The following ZNF615 variants were observed in gnomAD, a reference collection of about 807,000 sequenced individuals.
ZNF615 encodes zinc finger protein 615.
A neutral mutation model predicts 15.3 loss-of-function variants in ZNF615; 15 were observed. That is an observed-to-expected ratio of 0.98 (90% CI 0.66 to 1.51). The LOEUF is 1.51. ZNF615 is among the 40% of genes most tolerant of loss of function. ZNF615 has a pLI of 0.00. For synonymous variants in ZNF615, 268 were observed against 294.6 expected, an observed-to-expected ratio of 0.91 and a Z score of 0.92; for missense variants, 848 against 895.9, an observed-to-expected ratio of 0.95 and a Z score of 0.68.
intron 3 of ZNF615, among the ~76,000 whole-genome samples, chr19:52,003,162 A>C (rs112417534): frequency 7.9e-5 from 12 of 152,126 alleles, no homozygotes; most frequent in African/African-American, 2.4e-4. Context: ...AATCCTTAGA[A>C]TATATATGCA....
chr19:52,001,423 T>G (rs919823708), intron 5 of ZNF615, among the ~76,000 whole-genome samples: 15 of 151,986 alleles, frequency 9.9e-5, no homozygotes, highest in South Asian at 4.2e-4. Context: ...ATCAAGACCA[T>G]CCTGGCCAAT....
In ZNF615 at chr19:51,992,744, G is replaced by A; in HGVS notation, c.*136C>T. 7 of 1,058,770 alleles carry A rather than the reference G, an allele frequency of 6.6e-6. No homozygotes were observed. The highest frequency in any genetic ancestry group is 9.6e-6 in the Non-Finnish European group (7 of 727,168). The allele number at this position is 1,058,770 out of a possible 1,614,324, so 65.6% of individuals were successfully genotyped here. On this transcript the variant is annotated 3_prime_UTR_variant, in exon 7 of 7. Coordinates refer to ENST00000598071, the MANE Select transcript of ZNF615 (RefSeq NM_001199324.2). ...CCTAAAATATTTTCTCAAATGTTTT[G>A]TACATGTTTTCTCTGACACAAAACA...
intron 3 of ZNF615, among the ~76,000 whole-genome samples, chr19:52,002,887 C>T (rs189229640): frequency 4.6e-5 from 7 of 151,098 alleles, no homozygotes; most frequent in African/African-American, 1.7e-4. Flanking sequence ...AGTGCAGTGG[C>T]ACAATCTCGG....
At chr19:52,008,081 C>A (rs958588972) in intron 1 of ZNF615, 60 bp downstream of exon 1, 11 of 1,487,278 alleles carry the variant, frequency 7.4e-6, no homozygotes, top group Admixed American at 2.0e-5. Flanking sequence ...CGAACACGCC[C>A]AGCCACGGAC....
rs915303244 is a variant in ZNF615 at position 51,991,807 on chromosome 19, T to C, written c.*1073A>G. The C allele has an allele frequency of 2.0e-5, 3 of 152,172 alleles. No homozygotes were observed. The highest frequency in any genetic ancestry group is 7.2e-5 in the African/African-American group (3 of 41,422). The allele number at this position is 152,172 out of a possible 1,614,324, so 9.4% of individuals were successfully genotyped here. A position where few individuals can be genotyped will look rare whatever the true frequency, so the allele number is the denominator to read the frequency against. ...TTAAAACTGGTGATTTCCAAATAAATTCTGTAGTTAACAGTATTGTAACAA... is the reference window on the plus strand; with the variant it reads ...TTAAAACTGGTGATTTCCAAATAAACTCTGTAGTTAACAGTATTGTAACAA... On this transcript the variant is annotated 3_prime_UTR_variant, in exon 7 of 7. Coordinates refer to ENST00000598071, the MANE Select transcript of ZNF615 (RefSeq NM_001199324.2).
In ZNF615 at chr19:52,008,142, T is replaced by A; in HGVS notation, c.-229A>T. On this transcript the variant is annotated splice_region_variant and 5_prime_UTR_variant, in exon 1 of 7. Coordinates refer to ENST00000598071, the MANE Select transcript of ZNF615 (RefSeq NM_001199324.2). Reference sequence around the variant, plus strand: ...CGACCACCCAGTGACTGAACTTACTTCCCAGAACTTGGTGGGCTCCGGCCT... The same window carrying A: ...CGACCACCCAGTGACTGAACTTACTACCCAGAACTTGGTGGGCTCCGGCCT... The A allele has an allele frequency of 2.0e-6, 3 of 1,535,492 alleles. No homozygotes were observed. Among genetic ancestry groups the A allele is most frequent in the Non-Finnish European group, 2.6e-6 (3 of 1,146,770 alleles).
intron 6 of ZNF615, among the ~76,000 whole-genome samples, chr19:51,999,096 A>T (rs985410975): frequency 4.6e-5 from 7 of 152,232 alleles, no homozygotes; most frequent in Non-Finnish European, 1.0e-4. Context: ...TAATCAAGAA[A>T]ACAATTCCAT....
At chr19:52,003,942 C>G in intron 2 of ZNF615, 42 bp from the exon 3 acceptor site, 1 of 1,294,792 alleles carries the variant, frequency 7.7e-7, no homozygotes. Flanking sequence ...CTTTTTAGGC[C>G]CAGATGTTGT....
chr19:52,000,365 T>C lies in ZNF615; in HGVS notation c.252A>G (p.Ala84=). ...ACAAACCTGCATATGCACCTCCTGA[T>C]GCACCTCCTGAATCTAAAATAAAAA... is the stretch of plus-strand genomic sequence containing the variant. The part of the protein sequence containing the change: ...YSRICSDSGG[A]SGGAYAEIRK... Residue 84 remains alanine, a synonymous_variant, in exon 6 of 7, where the codon GCA becomes GCG. Transcript: ENST00000598071. The C allele has an allele frequency of 1.6e-6, 1 of 630,868 alleles. No homozygotes were observed. Among genetic ancestry groups the C allele is most frequent in the Non-Finnish European group, 2.9e-6 (1 of 344,572 alleles). 39.1% of individuals were successfully genotyped at this position (630,868 alleles called of 1,614,324 possible).
In ZNF615 at chr19:52,003,725, T is replaced by G; in HGVS notation, c.-14A>C. On this transcript the variant is annotated 5_prime_UTR_variant, in exon 3 of 7. Transcript: ENST00000598071. ...GGCCTGCATCATTGTCTCCTAAATT[T>G]GGGAAATGACTGCTAACTTGGACGT... The G allele has an allele frequency of 6.2e-7, 1 of 1,612,362 alleles. No homozygotes were observed. The highest frequency in any genetic ancestry group is 8.5e-7 in the Non-Finnish European group (1 of 1,179,132).
intron 5 of ZNF615, 117 bp from the exon 6 acceptor site, chr19:52,000,495 A>C (rs1170958268): frequency 8.6e-6 from 4 of 465,218 alleles, no homozygotes; most frequent in Non-Finnish European, 1.5e-5. Context: ...CAAAATGGGA[A>C]GTTACAGGCT....
chr19:51,994,480 T>C lies in ZNF615; in HGVS notation c.629A>G (p.Asn210Ser). ...ACTGCATACATGGGCATTCTCTATG[T>C]TGTGAGTTCTCTGTTGCTTAATGAA... ...SQFIKQQRTH[N>S]IENAHVCSEC... The change falls in exon 7 of 7, where the codon AAC (asparagine) becomes AGC (serine). Residue 210 changes from asparagine to serine, a missense_variant. By Grantham distance (46) the Asn-to-Ser change is conservative (BLOSUM62 1). Coordinates refer to ENST00000598071, the MANE Select transcript of ZNF615 (RefSeq NM_001199324.2). 1 of 1,614,190 alleles carries C rather than the reference T, an allele frequency of 6.2e-7. No homozygotes were observed. Among genetic ancestry groups the C allele is most frequent in the South Asian group, 1.1e-5 (1 of 91,084 alleles).
At chr19:52,007,259 T>C (rs1374952612) in intron 2 of ZNF615, 34 bp downstream of exon 2, 3 of 1,262,434 alleles carry the variant, frequency 2.4e-6, no homozygotes, top group Non-Finnish European at 3.1e-6. Flanking sequence ...TTCTGAAAAT[T>C]TGACAAAGGT....
chr19:52,002,323 G>C (rs1206509041), intron 3 of ZNF615, 42 bp from the exon 4 acceptor site: 1 of 1,612,612 alleles, frequency 6.2e-7, no homozygotes, highest in East Asian at 2.2e-5. Context: ...ATATTCTTTT[G>C]GTGATAGGAA....
In ZNF615 at chr19:52,007,332, T is replaced by C. The variant is rs1048613805; in HGVS notation, c.-227-2A>G. ...TATCTTACTTGTGTCAGAAAGAACC[T>C]GAAAAGAAATATCCAAGAGGATACG... On this transcript the variant is annotated splice_acceptor_variant, in intron 1 of 6. Transcript: ENST00000598071. LOFTEE classifies it low-confidence loss of function (5UTR_SPLICE). 4.7e-6 allele frequency: 6 copies of C among 1,287,838 alleles called. No homozygotes were observed. Among genetic ancestry groups the C allele is most frequent in the African/African-American group, 4.6e-5 (3 of 65,796 alleles). 79.8% of individuals were successfully genotyped at this position (1,287,838 alleles called of 1,614,324 possible).
At chr19:52,000,221 A>C (rs1568502552) in intron 6 of ZNF615, 125 bp downstream of exon 6, 2 of 454,900 alleles carry the variant, frequency 4.4e-6, no homozygotes, top group Non-Finnish European at 7.8e-6. Context: ...GGGGACTCCA[A>C]GAGGAAGAAG....
chr19:52,005,459 A>G (rs750338747), intron 2 of ZNF615, among the ~76,000 whole-genome samples: 2 of 152,222 alleles, frequency 1.3e-5, no homozygotes, highest in East Asian at 1.9e-4. Flanking sequence ...AGAGAGGTCT[A>G]TGGTTTCCGT....
Position 51,993,994 on chromosome 19 carries a change from G to A in ZNF615, c.1115C>T (p.Ala372Val), listed in dbSNP as rs868395023. The A allele has an allele frequency of 1.2e-6, 2 of 1,611,946 alleles. No individual in the cohort carries two copies. Among genetic ancestry groups the A allele is most frequent in the South Asian group, 1.1e-5 (1 of 90,748 alleles). The stretch of plus-strand genomic sequence containing the variant: ...CTCACCAGTATGAGTTCGATGATGT[G>A]CAGTAAGACGCCTCTTCTCAATGAA... ...KGFIEKRRLT[A>V]HHRTHTGEKP... Residue 372 changes from alanine to valine, a missense_variant, in exon 7 of 7, where the codon GCA becomes GTA. By Grantham distance (64) the Ala-to-Val change is moderately conservative. Transcript: ENST00000598071.
chr19:51,994,728 C>T lies in ZNF615; in HGVS notation c.381G>A (p.Gln127=). Residue 127 remains glutamine, a synonymous_variant, in exon 7 of 7, where the codon CAG becomes CAA. Transcript: ENST00000598071. ...GCTTCAGCAGGAAATGACCTTTGTT[C>T]TGATTAACAATATTTCCAAACATAT... is the stretch of plus-strand genomic sequence containing the variant. ...EQNMFGNIVN[Q]NKGHFLLKQD... is the part of the protein sequence containing the mutation. 1.2e-6 allele frequency: 2 copies of T among 1,613,804 alleles called. No homozygotes were observed. Among genetic ancestry groups the T allele is most frequent in the Non-Finnish European group, 8.5e-7 (1 of 1,180,000 alleles).
Sources: allele counts gnomAD v4.1 joint callset (sites outside exome capture counted in the v4.1 genomes callset), GRCh38; gene constraint gnomAD v4.1.1; transcripts MANE v1.5; gene names NCBI Gene and HGNC (gene_info 2026-07-23, HGNC 2026-07-21).